ZFPM2: variants seen among roughly 807,000 people sequenced by gnomAD.
ZFPM2 encodes the protein zinc finger protein, FOG family member 2.
A neutral mutation model predicts 98.6 loss-of-function variants in ZFPM2; 20 were observed. The observed-to-expected ratio is 0.20, with a 90% confidence interval of 0.14 to 0.29. ZFPM2 has a LOEUF of 0.29. Among genes scored for constraint, ZFPM2 ranks in the 10% least tolerant of loss-of-function variants. The pLI is 1.00. For missense variants in ZFPM2, 1,310 were observed against 1,388.6 expected, an observed-to-expected ratio of 0.94 and a Z score of 0.90; for synonymous variants, 518 against 502.7, an observed-to-expected ratio of 1.03 and a Z score of -0.41.
intron 1 of ZFPM2, among the ~76,000 whole-genome samples, chr8:105,330,987 A>G (rs1812221914): frequency 6.6e-6 from 1 of 151,188 alleles, no homozygotes; most frequent in African/African-American, 2.4e-5. Context: ...GTATCTGTGA[A>G]CAACTCTCTA....
chr8:105,334,142 G>GTGTGT, intron 1 of ZFPM2, among the ~76,000 whole-genome samples: 1 of 150,596 alleles, frequency 6.6e-6, no homozygotes, highest in African/African-American at 2.4e-5. Flanking sequence ...GTGTGTGTGT[G>GTGTGT]TGTGTGTGTG....
At chr8:105,446,444 T>TA (rs1462201622) in intron 3 of ZFPM2, among the ~76,000 whole-genome samples, 1 of 152,046 alleles carries the variant, frequency 6.6e-6, no homozygotes, top group Non-Finnish European at 1.5e-5. Flanking sequence ...TTTTAGGGGA[T>TA]AAAATGCCAA....
chr8:105,617,876 A>G (rs1020853551), intron 4 of ZFPM2, among the ~76,000 whole-genome samples: 1 of 152,202 alleles, frequency 6.6e-6, no homozygotes, highest in African/African-American at 2.4e-5. Flanking sequence ...CATAAAAATA[A>G]AATATTAAAA....
At chr8:105,347,895 C>T (rs959982680) in intron 1 of ZFPM2, among the ~76,000 whole-genome samples, 6 of 152,000 alleles carry the variant, frequency 3.9e-5, no homozygotes, top group Non-Finnish European at 8.8e-5. Flanking sequence ...TGATAACCAC[C>T]GCTCCCCACC....
At position 105,802,394 on chromosome 8, in the gene ZFPM2, C is replaced by T. The variant is rs1329936877; in HGVS notation, c.2312C>T (p.Thr771Ile). Reference protein sequence around the residue: ...LDVANLNNPCTSTQEPTEGLG... With the variant: ...LDVANLNNPCISTQEPTEGLG... ...GTAGCCAACCTCAATAATCCTTGTA[C>T]CTCCACTCAAGAACCCACAGAAGGG... Residue 771 changes from threonine (T) to isoleucine (I), a missense_variant, in exon 8 of 8, where the codon ACC (threonine) becomes ATC (isoleucine). Thr to Ile is a moderately conservative substitution (Grantham distance 89). Coordinates refer to ENST00000407775, the MANE Select transcript of ZFPM2 (RefSeq NM_012082.4). The T allele has an allele frequency of 5.6e-6, 9 of 1,613,600 alleles. No individual in the cohort carries two copies. The highest frequency in any genetic ancestry group is 6.8e-6 in the Non-Finnish European group (8 of 1,179,864).
intron 1 of ZFPM2, among the ~76,000 whole-genome samples, chr8:105,381,687 C>T (rs1339716123): frequency 6.6e-6 from 1 of 152,090 alleles, no homozygotes; most frequent in Admixed American, 6.6e-5. Flanking sequence ...TAAAGACTAT[C>T]AAGTGTGCTA....
chr8:105,485,225 A>T (rs1168212827), intron 3 of ZFPM2, among the ~76,000 whole-genome samples: 1 of 152,180 alleles, frequency 6.6e-6, no homozygotes, highest in Non-Finnish European at 1.5e-5. Context: ...AGAGTCCAAC[A>T]GCCAGCCTGC....
intron 2 of ZFPM2, 125 bp downstream of exon 2, chr8:105,419,427 T>G (rs1474885702): frequency 7.6e-6 from 9 of 1,188,344 alleles, no homozygotes; most frequent in Non-Finnish European, 9.3e-6. Flanking sequence ...TAAGTGCAGA[T>G]TTTTTTAAAC....
chr8:105,502,228 A>T (rs1813610607), intron 3 of ZFPM2, among the ~76,000 whole-genome samples: 1 of 152,150 alleles, frequency 6.6e-6, no homozygotes, highest in African/African-American at 2.4e-5. Context: ...AAAATATATG[A>T]ATTATTGAAG....
chr8:105,344,127 C>T (rs751494013), intron 1 of ZFPM2, among the ~76,000 whole-genome samples: 67 of 152,214 alleles, frequency 4.4e-4, no homozygotes, highest in Admixed American at 1.0e-3. Flanking sequence ...AGGAAAGACC[C>T]GCCCCCATGA....
chr8:105,793,870 G>T (rs557431000), intron 6 of ZFPM2, among the ~76,000 whole-genome samples: 5 of 150,936 alleles, frequency 3.3e-5, no homozygotes, highest in Non-Finnish European at 7.4e-5. Context: ...TGATCACATC[G>T]GCTCCTGAGG....
chr8:105,413,704 C>T (rs1002847373), intron 1 of ZFPM2, among the ~76,000 whole-genome samples: 4 of 151,642 alleles, frequency 2.6e-5, no homozygotes, highest in Non-Finnish European at 5.9e-5. Flanking sequence ...CTTGGGAGAA[C>T]ACCACCATTT....
intron 3 of ZFPM2, among the ~76,000 whole-genome samples, chr8:105,476,378 G>A (rs1322538491): frequency 6.6e-6 from 1 of 152,160 alleles, no homozygotes; most frequent in Admixed American, 6.5e-5. Flanking sequence ...TGTGAACTAA[G>A]GAATCTAGGT....
At chr8:105,632,946 T>A (rs1816780253) in intron 4 of ZFPM2, among the ~76,000 whole-genome samples, 1 of 152,214 alleles carries the variant, frequency 6.6e-6, no homozygotes, top group Non-Finnish European at 1.5e-5. Context: ...GATTTTTCCA[T>A]TAAACAGTAT....
intron 4 of ZFPM2, among the ~76,000 whole-genome samples, chr8:105,608,665 A>G (rs112254227): frequency 0.017 from 2,572 of 149,646 alleles, 73 homozygotes; most frequent in African/African-American, 0.058. Context: ...TTTAGAGAAG[A>G]TGAAATTCAT....
At chr8:105,463,796 A>T (rs1388302393) in intron 3 of ZFPM2, among the ~76,000 whole-genome samples, 2 of 152,028 alleles carry the variant, frequency 1.3e-5, no homozygotes, top group East Asian at 3.9e-4. Context: ...TCTACAGATG[A>T]CTGCATATTT....
chr8:105,324,483 G>T (rs534466927), intron 1 of ZFPM2, among the ~76,000 whole-genome samples: 1 of 151,690 alleles, frequency 6.6e-6, no homozygotes, highest in Non-Finnish European at 1.5e-5. Flanking sequence ...TTTTAAAAAA[G>T]AAACGAAAGT....
At chr8:105,670,238 T>C (rs1195194211) in intron 5 of ZFPM2, among the ~76,000 whole-genome samples, 2 of 152,114 alleles carry the variant, frequency 1.3e-5, no homozygotes, top group Non-Finnish European at 2.9e-5. Context: ...GGCTGAAGCC[T>C]GTAATCCCAG....
intron 1 of ZFPM2, among the ~76,000 whole-genome samples, chr8:105,321,540 G>A (rs1231043627): frequency 2.0e-5 from 3 of 151,932 alleles, no homozygotes; most frequent in South Asian, 2.1e-4. Context: ...CAAAAAGTCA[G>A]CTTATACCAG....
Sources: gnomAD v4.1 joint callset for allele counts (sites outside exome capture counted in the v4.1 genomes callset) on GRCh38, gnomAD v4.1.1 for gene constraint, MANE v1.5 for transcripts, NCBI Gene and HGNC (gene_info 2026-07-23, HGNC 2026-07-21) for gene names.